The following ZFHX3 variants were observed in gnomAD, a reference collection of about 807,000 sequenced individuals.
ZFHX3 encodes zinc finger homeobox protein 3.
Under a neutral mutation model 279.1 loss-of-function variants are expected in ZFHX3, and 42 were observed. The ratio of observed to expected loss-of-function variants is 0.15; its 90% confidence interval spans 0.12 to 0.19. The LOEUF is 0.19. Ranked by LOEUF, ZFHX3 falls within the 10% of genes least tolerant of loss-of-function variation. The pLI is 1.00. For synonymous variants in ZFHX3, 2,293 were observed against 1,957.8 expected (o/e 1.17, Z -4.52); for missense variants, 4,981 against 4,754.0 (o/e 1.05, Z -1.40).
At position 72,811,965 on chromosome 16, in the gene ZFHX3, G is replaced by A. The variant is rs752698815; in HGVS notation, c.3603C>T (p.Ser1201=). 5.6e-6 allele frequency: 9 copies of A among 1,614,168 alleles called. No individual in the cohort carries two copies. The Admixed American group carries it at 8.3e-5, about 15-fold the overall frequency. ...ATSKRISFPG[S]SESPLSSKRP... Reference sequence around the variant, plus strand: ...GCTTCGAAGAGAGGGGAGACTCTGAGCTACCTGGGAAGGAGATGCGTTTGG... The same window carrying A: ...GCTTCGAAGAGAGGGGAGACTCTGAACTACCTGGGAAGGAGATGCGTTTGG... The change falls in exon 6 of 10, where the codon AGC becomes AGT. Residue 1201 remains serine, a synonymous_variant. Transcript: ENST00000268489.
chr16:73,010,248 G>A (rs1021946664), intron 1 of ZFHX3, among the ~76,000 whole-genome samples: 1 of 152,110 alleles, frequency 6.6e-6, no homozygotes, highest in African/African-American at 2.4e-5. Flanking sequence ...GCCCAGCTGT[G>A]GGGAAGGAAA....
chr16:72,941,187 G>A (rs551027538), intron 3 of ZFHX3, among the ~76,000 whole-genome samples: 1 of 152,212 alleles, frequency 6.6e-6, no homozygotes, highest in African/African-American at 2.4e-5. Flanking sequence ...TGACTGAAAA[G>A]TAAGTTTGAA....
intron 2 of ZFHX3, among the ~76,000 whole-genome samples, chr16:73,526,631 TGAG>T (rs1456851245): frequency 2.0e-5 from 3 of 152,192 alleles, no homozygotes; most frequent in East Asian, 1.9e-4. Flanking sequence ...TGAGCGGGGA[TGAG>T]GAGAACTGCT....
intron 1 of ZFHX3, among the ~76,000 whole-genome samples, chr16:73,019,223 C>T (rs1964208903): frequency 1.3e-5 from 2 of 152,200 alleles, no homozygotes; most frequent in Non-Finnish European, 1.5e-5. Flanking sequence ...CTGCCAGCTG[C>T]CAGTGGACGT....
chr16:73,510,286 T>C (rs778354250), intron 2 of ZFHX3, among the ~76,000 whole-genome samples: 2 of 152,150 alleles, frequency 1.3e-5, no homozygotes, highest in Non-Finnish European at 2.9e-5. Context: ...CACTAGAATT[T>C]TACATTTCTC....
chr16:72,955,300 T>C (rs955060607), intron 2 of ZFHX3, among the ~76,000 whole-genome samples: 1 of 152,102 alleles, frequency 6.6e-6, no homozygotes, highest in South Asian at 2.1e-4. Context: ...GTCTAAGAAA[T>C]ATGGTGTGGC....
At chr16:73,461,837 C>T (rs747952121) in intron 2 of ZFHX3, among the ~76,000 whole-genome samples, 4 of 152,126 alleles carry the variant, frequency 2.6e-5, no homozygotes, top group Admixed American at 6.5e-5. Flanking sequence ...TTTTTCAAAG[C>T]TGTTTTAGCT....
intron 1 of ZFHX3, among the ~76,000 whole-genome samples, chr16:73,025,256 C>T (rs888854561): frequency 2.0e-5 from 3 of 152,194 alleles, no homozygotes; most frequent in Non-Finnish European, 4.4e-5. Context: ...GCCCCAAGTC[C>T]TTCCCAATGC....
At chr16:73,338,356 G>A (rs1337603853) in intron 3 of ZFHX3, among the ~76,000 whole-genome samples, 26 of 152,100 alleles carry the variant, frequency 1.7e-4, no homozygotes, top group Non-Finnish European at 3.7e-4. Context: ...TTCCCCAACC[G>A]GGAGGCTGGG....
chr16:73,209,889 C>T (rs976254883), intron 5 of ZFHX3, among the ~76,000 whole-genome samples: 2 of 152,278 alleles, frequency 1.3e-5, no homozygotes, highest in Middle Eastern at 3.4e-3. Flanking sequence ...CCAGACCACA[C>T]GTTGAGAGCC....
intron 1 of ZFHX3, among the ~76,000 whole-genome samples, chr16:73,725,338 G>T (rs1261018036): frequency 6.6e-6 from 1 of 152,292 alleles, no homozygotes; most frequent in Middle Eastern, 3.4e-3. Context: ...CCTTGAGGCA[G>T]CAGGGAGGGA....
At chr16:73,715,847 C>T (rs577887880) in intron 1 of ZFHX3, among the ~76,000 whole-genome samples, 42 of 152,220 alleles carry the variant, frequency 2.8e-4, no homozygotes, top group Non-Finnish European at 4.9e-4. Context: ...GCTGGGATTA[C>T]AGGCATGAGC....
At chr16:73,432,639 T>G (rs17373662) in intron 3 of ZFHX3, among the ~76,000 whole-genome samples, 61,370 of 152,030 alleles carry the variant, frequency 0.4, 14,861 homozygotes, top group Non-Finnish European at 0.56. Flanking sequence ...TAATTCCTGT[T>G]CACTGGATCA....
At chr16:72,857,622 C>T (rs1165592958) in intron 4 of ZFHX3, among the ~76,000 whole-genome samples, 1 of 152,192 alleles carries the variant, frequency 6.6e-6, no homozygotes, top group Non-Finnish European at 1.5e-5. Context: ...GAGTATGAGG[C>T]TGTAGTGAAC....
At chr16:73,495,957 G>A (rs2019133843) in intron 2 of ZFHX3, among the ~76,000 whole-genome samples, 1 of 152,100 alleles carries the variant, frequency 6.6e-6, no homozygotes, top group Admixed American at 6.5e-5. Context: ...TCACGGTCGT[G>A]CTGCAGAAAC....
rs1243314271 is a variant in ZFHX3, at chr16:73,289,449, T to TG, written c.-1194+28790dup. Among the ~76,000 whole-genome samples the TG allele has an allele frequency of 6.1e-4, 92 of 151,882 alleles. 2 individuals carry two copies. The highest frequency in any genetic ancestry group is 2.9e-5 in the Non-Finnish European group (2 of 67,942). On this transcript the variant is annotated intron_variant, in intron 4 of 17. Coordinates refer to the ZFHX3 transcript ENST00000641206. Reference sequence around the variant, plus strand: ...GAAGCCCAGCTGTGTGTTTTCAAGGTGGGGAAAAAACCTGGCTTTGCACGC... The same window carrying TG: ...GAAGCCCAGCTGTGTGTTTTCAAGGTGGGGGAAAAAACCTGGCTTTGCACGC...
chr16:73,840,621 C>G (rs957366909), intron 1 of ZFHX3, among the ~76,000 whole-genome samples: 1 of 152,194 alleles, frequency 6.6e-6, no homozygotes, highest in Non-Finnish European at 1.5e-5. Context: ...CATTCAAGGA[C>G]AGAAGCACTT....
chr16:73,483,282 A>G lies in ZFHX3; in HGVS notation c.-1546-27024T>C, dbSNP rs1369363610. ...CCAGGACAAATGCGTACGCATAGAC[A>G]CGTGCACGGAGCCTCCGAGAGAGAG... On this transcript the variant is annotated intron_variant, in intron 2 of 17. Transcript: ENST00000641206. 14 of 429,408 alleles carry G rather than the reference A, an allele frequency of 3.3e-5. No homozygotes were observed. In the Admixed American group the frequency reaches 3.9e-4, roughly 12 times the overall value. The allele number at this position is 429,408 out of a possible 1,614,324, so 26.6% of individuals were successfully genotyped here. A position where few individuals can be genotyped will look rare whatever the true frequency, so the allele number is the denominator to read the frequency against.
chr16:73,792,579 T>C (rs1436271852), intron 1 of ZFHX3, among the ~76,000 whole-genome samples: 1 of 152,242 alleles, frequency 6.6e-6, no homozygotes, highest in Non-Finnish European at 1.5e-5. Flanking sequence ...TCAGCCGTCC[T>C]GTAAGTAGCT....
Sources: gnomAD v4.1 joint callset for allele counts (sites outside exome capture counted in the v4.1 genomes callset) on GRCh38, gnomAD v4.1.1 for gene constraint, MANE v1.5 for transcripts, NCBI Gene and HGNC (gene_info 2026-07-23, HGNC 2026-07-21) for gene names.